Variants in CACNA1G observed in about 807,000 individuals in gnomAD.
CACNA1G encodes voltage-dependent T-type calcium channel subunit alpha-1G.
Under a neutral mutation model 219.4 loss-of-function variants are expected in CACNA1G, and 67 were observed. The observed-to-expected ratio is 0.31, with a 90% CI of 0.25 to 0.37. CACNA1G has a LOEUF of 0.37. Among genes scored for constraint, CACNA1G ranks in the 10% least tolerant of loss-of-function variants. The pLI, the probability that CACNA1G is intolerant of heterozygous loss-of-function variation, is 1.00. For synonymous variants in CACNA1G, 1,296 were observed against 1,345.3 expected, an observed-to-expected ratio of 0.96 and a Z score of 0.80; for missense variants, 2,380 against 3,231.4, an observed-to-expected ratio of 0.74 and a Z score of 6.39.
rs553870728 is a variant in CACNA1G at position 50,615,707 on chromosome 17, T to A, written c.4911+195T>A. On this transcript the variant is annotated intron_variant, in intron 27 of 37. Coordinates refer to ENST00000359106, the MANE Select transcript of CACNA1G (RefSeq NM_018896.5). ...TGAGGACACTGAGGCTCAGAGATGT[T>A]AGTTGATGTGGCCAAGGTCACACAG... Among the ~76,000 whole-genome samples the A allele has an allele frequency of 2.2e-4, 34 of 152,344 alleles. No individual in the cohort carries two copies. In the East Asian group the frequency reaches 3.1e-3, roughly 14 times the overall value.
chr17:50,578,059 C>T lies in CACNA1G; in HGVS notation c.1925-129C>T, dbSNP rs1217329300. On this transcript the variant is annotated intron_variant, in intron 8 of 37. Transcript: ENST00000359106. This position sits in a 1 kb window ranked among gnomAD's most constrained non-coding sequence, Gnocchi z 4.5. Reference sequence around the variant, plus strand: ...TGCCTGACATTCAGCACCCCTGGCCCACTAAGTGCCTAGCACCCCATCACT... The same window carrying T: ...TGCCTGACATTCAGCACCCCTGGCCTACTAAGTGCCTAGCACCCCATCACT... 1 of 1,107,228 alleles carries T rather than the reference C, an allele frequency of 9.0e-7. No homozygotes were observed. The highest frequency in any genetic ancestry group is 1.6e-5 in the African/African-American group (1 of 63,634). 68.6% of individuals were successfully genotyped at this position (1,107,228 alleles called of 1,614,324 possible).
intron 26 of CACNA1G, among the ~76,000 whole-genome samples, chr17:50,610,525 C>T (rs1184958711): frequency 6.6e-6 from 1 of 152,162 alleles, no homozygotes; most frequent in African/African-American, 2.4e-5. Flanking sequence ...TTTCAAGAGC[C>T]ATGTCTCTGG....
Position 50,617,145 on chromosome 17 carries a change from A to G in CACNA1G, c.5022-293A>G, listed in dbSNP as rs534595779. The stretch of plus-strand genomic sequence containing the variant: ...ACTGCAGGTGTGAGTTCCTATTTGT[A>G]AAGCTCTTAAAAGTGCCTGGTGCAT... On this transcript the variant is annotated intron_variant, in intron 28 of 37. Coordinates refer to ENST00000359106, the MANE Select transcript of CACNA1G (RefSeq NM_018896.5). The surrounding 1 kb of genome is among the most constrained non-coding windows in gnomAD (Gnocchi z 5.8). Among the ~76,000 whole-genome samples the G allele has an allele frequency of 9.2e-5, 14 of 152,354 alleles. No homozygotes were observed. Among genetic ancestry groups the G allele is most frequent in the African/African-American group, 3.4e-4 (14 of 41,586 alleles).
In CACNA1G at chr17:50,617,357, C is replaced by T. The variant is rs2050809489; in HGVS notation, c.5022-81C>T. 6.8e-7 allele frequency: 1 copy of T among 1,476,214 alleles called. No individual in the cohort carries two copies. The highest frequency in any genetic ancestry group is 1.3e-5 in the South Asian group (1 of 75,286). The allele number at this position is 1,476,214 out of a possible 1,614,324, so 91.4% of individuals were successfully genotyped here. ...GCTGATGTCTGCCCTCCTTTCAAGC[C>T]CTGTCTTTCTGTGCCACGACTGCCC... On this transcript the variant is annotated intron_variant, in intron 28 of 37. Coordinates refer to ENST00000359106, the MANE Select transcript of CACNA1G (RefSeq NM_018896.5). This position sits in a 1 kb window ranked among gnomAD's most constrained non-coding sequence, Gnocchi z 5.8.
Position 50,590,608 on chromosome 17 carries a change from C to T in CACNA1G, c.2439C>T (p.Val813=), listed in dbSNP as rs1366522151. The change falls in exon 10 of 38, where the codon GTC becomes GTT. Residue 813 remains valine (V), a synonymous_variant. Transcript: ENST00000359106. ...IKNPYNIFDG[V]IVVISVWEIV... ...ATCCCTACAACATCTTCGATGGTGT[C>T]ATTGTGGTCATCAGGTATGACTACC... The T allele has an allele frequency of 6.2e-7, 1 of 1,613,630 alleles. No individual in the cohort carries two copies. Among genetic ancestry groups the T allele is most frequent in the Non-Finnish European group, 8.5e-7 (1 of 1,179,724 alleles).
At chr17:50,625,890 G>A in intron 37 of CACNA1G, 127 bp from the exon 38 acceptor site, 2 of 1,021,814 alleles carry the variant, frequency 2.0e-6, no homozygotes, top group Non-Finnish European at 2.9e-6. Context: ...CGGCTACCAG[G>A]ACCTCTGCTT....
At chr17:50,568,769 C>T (rs1265960290) in intron 1 of CACNA1G, 101 bp from the exon 2 acceptor site, 8 of 880,376 alleles carry the variant, frequency 9.1e-6, no homozygotes, top group Non-Finnish European at 1.5e-5. Context: ...TGCTTAGCCT[C>T]AGATGGAGCC....
chr17:50,561,250 G>A lies in CACNA1G; in HGVS notation c.-210G>A, dbSNP rs1363779029. ...AGGGGAAGCGGGACTCGCGCCGGGC[G>A]GGGTTTCCCTGCGCCCCGGCGCCCC... On this transcript the variant is annotated 5_prime_UTR_variant, in exon 1 of 38. Transcript: ENST00000359106. The A allele has an allele frequency of 8.9e-6, 5 of 558,688 alleles. No homozygotes were observed. The highest frequency in any genetic ancestry group is 9.3e-6 in the Non-Finnish European group (3 of 322,678). The allele number at this position is 558,688 out of a possible 1,614,324, so 34.6% of individuals were successfully genotyped here. A position where few individuals can be genotyped will look rare whatever the true frequency, so the allele number is the denominator to read the frequency against.
chr17:50,596,884 G>A lies in CACNA1G; in HGVS notation c.3219G>A (p.Gly1073=). 6.3e-7 allele frequency: 1 copy of A among 1,586,564 alleles called. No individual in the cohort carries two copies. Among genetic ancestry groups the A allele is most frequent in the Admixed American group, 1.8e-5 (1 of 56,990 alleles). The change falls in exon 16 of 38, where the codon GGG becomes GGA. Residue 1073 remains glycine, a synonymous_variant. Transcript: ENST00000359106. The surrounding 1 kb of genome is among the most constrained non-coding windows in gnomAD (Gnocchi z 4.8). ...CGTCGCGCCGCACCAGCAGCAGCGGGTCGGCAGAGCCTGGGGCGGCCCACG... is the reference window on the plus strand; with the variant it reads ...CGTCGCGCCGCACCAGCAGCAGCGGATCGGCAGAGCCTGGGGCGGCCCACG... ...GPASRRTSSS[G]SAEPGAAHEM...
chr17:50,623,091 C>CT (rs35688516), intron 35 of CACNA1G, among the ~76,000 whole-genome samples: 1,587 of 79,394 alleles, frequency 0.02, 111 homozygotes, highest in African/African-American at 0.071. Context: ...CTGCTGTTGG[C>CT]TTTTTTTTTT....
chr17:50,626,829 C>A lies in CACNA1G; in HGVS notation c.*78C>A, dbSNP rs772815658. 5 of 1,587,020 alleles carry A rather than the reference C, an allele frequency of 3.2e-6. No homozygotes were observed. Among genetic ancestry groups the A allele is most frequent in the South Asian group, 1.1e-5 (1 of 90,384 alleles). ...TCCTCCTCCTGGGCTATATTCCTGA[C>A]AAAAGTTCCATATAGACACCAAGGA... is the stretch of plus-strand genomic sequence containing the variant. On this transcript the variant is annotated 3_prime_UTR_variant, in exon 38 of 38. Coordinates refer to ENST00000359106, the MANE Select transcript of CACNA1G (RefSeq NM_018896.5). The surrounding 1 kb of genome is among the most constrained non-coding windows in gnomAD (Gnocchi z 4.3).
rs2050976583 is a variant in CACNA1G, at chr17:50,618,176, G to T, written c.5306-46G>T. The T allele has an allele frequency of 1.2e-6, 2 of 1,612,668 alleles. No individual in the cohort carries two copies. The highest frequency in any genetic ancestry group is 1.7e-6 in the Non-Finnish European group (2 of 1,178,952). On this transcript the variant is annotated intron_variant, in intron 31 of 37. Transcript: ENST00000359106. The surrounding 1 kb of genome is among the most constrained non-coding windows in gnomAD (Gnocchi z 5.3). ...AGGAGCCAGGGCTGGAGACCAGGGG[G>T]CTCCTGGACTAACATGGGCCTCTCC...
At position 50,567,890 on chromosome 17, in the gene CACNA1G, C is replaced by A. The variant is rs554716099; in HGVS notation, c.243-980C>A. Among the ~76,000 whole-genome samples, 9 of 152,236 alleles carry A rather than the reference C, an allele frequency of 5.9e-5. No individual in the cohort carries two copies. The South Asian group carries it at 1.9e-3, about 32-fold the overall frequency. ...GACCCAGGGTTTAGAAAGAACCCCT[C>A]TCTCCTGCTTGCTGTTTTGGCTGGT... On this transcript the variant is annotated intron_variant, in intron 1 of 37. Coordinates refer to ENST00000359106, the MANE Select transcript of CACNA1G (RefSeq NM_018896.5).
intron 26 of CACNA1G, 88 bp from the exon 27 acceptor site, chr17:50,615,273 G>C (rs894660253): frequency 1.6e-5 from 21 of 1,287,856 alleles, no homozygotes; most frequent in Non-Finnish European, 2.1e-5. Context: ...TCTGGCGTTA[G>C]AGGCTGGTGG....
chr17:50,594,957 C>A lies in CACNA1G; in HGVS notation c.2911-36C>A, dbSNP rs192403224. The stretch of plus-strand genomic sequence containing the variant: ...ATCTGAAGGCCCCGAGCGCCTGTGA[C>A]CAGCAGCCCTCCCCTGCCTCCCCCT... On this transcript the variant is annotated intron_variant, in intron 13 of 37. Transcript: ENST00000359106. 4,435 of 1,531,714 alleles carry A rather than the reference C, an allele frequency of 2.9e-3. 9 individuals carry two copies. Among genetic ancestry groups the A allele is most frequent in the Non-Finnish European group, 3.7e-3 (4,160 of 1,130,470 alleles). 94.9% of individuals were successfully genotyped at this position (1,531,714 alleles called of 1,614,324 possible).
chr17:50,617,041 G>T lies in CACNA1G; in HGVS notation c.5022-397G>T, dbSNP rs929178150. ...TATTTTTATTTTTAGTAGATACAGGGTCTCACTATGTTGCCCAGGCTGTTC... is the reference window on the plus strand; with the variant it reads ...TATTTTTATTTTTAGTAGATACAGGTTCTCACTATGTTGCCCAGGCTGTTC... On this transcript the variant is annotated intron_variant, in intron 28 of 37. Coordinates refer to ENST00000359106, the MANE Select transcript of CACNA1G (RefSeq NM_018896.5). This position sits in a 1 kb window ranked among gnomAD's most constrained non-coding sequence, Gnocchi z 5.8. Among the ~76,000 whole-genome samples, 6 of 151,866 alleles carry T rather than the reference G, an allele frequency of 4.0e-5. No homozygotes were observed. The highest frequency in any genetic ancestry group is 8.8e-5 in the Non-Finnish European group (6 of 67,998).
chr17:50,624,341 C>CCCA lies in CACNA1G; in HGVS notation c.6230-19_6230-18insCCA. ...CCATTCTCTCCCCCCACCCCTCCCC[C>CCCA]GCTTCCCTCCCTCCACAGGCTCCGT... On this transcript the variant is annotated intron_variant, in intron 36 of 37. Coordinates refer to ENST00000359106, the MANE Select transcript of CACNA1G (RefSeq NM_018896.5). The CCCA allele has an allele frequency of 6.8e-7, 1 of 1,471,212 alleles. No homozygotes were observed. The highest frequency in any genetic ancestry group is 9.3e-7 in the Non-Finnish European group (1 of 1,076,536). The allele number at this position is 1,471,212 out of a possible 1,614,324, so 91.1% of individuals were successfully genotyped here.
Position 50,619,772 on chromosome 17 carries a change from G to C in CACNA1G, c.5871G>C (p.Gly1957=), listed in dbSNP as rs2051346545. 1.2e-6 allele frequency: 2 copies of C among 1,607,836 alleles called. No individual in the cohort carries two copies. Among genetic ancestry groups the C allele is most frequent in the South Asian group, 2.2e-5 (2 of 90,178 alleles). ...TGATGGACGAGCTGGCAGGCCCAGG[G>C]GGCCAGCCCTCTGCCTTCCCTTCTG... ...LKLMDELAGP[G]GQPSAFPSAP... Residue 1957 remains glycine, a synonymous_variant, in exon 34 of 38, where the codon GGG becomes GGC. Coordinates refer to ENST00000359106, the MANE Select transcript of CACNA1G (RefSeq NM_018896.5).
rs1288757738 is a variant in CACNA1G, at chr17:50,617,977, A to C, written c.5226+48A>C. ...CTGGGGAGGGGGAGGTGCTTTCCAG[A>C]GGGAAGGGGCTCAGAGAAGCTGACT... On this transcript the variant is annotated intron_variant, in intron 30 of 37. Transcript: ENST00000359106. This position sits in a 1 kb window ranked among gnomAD's most constrained non-coding sequence, Gnocchi z 5.8. The C allele has an allele frequency of 5.6e-6, 9 of 1,612,664 alleles. No individual in the cohort carries two copies. The highest frequency in any genetic ancestry group is 3.3e-5 in the Admixed American group (2 of 60,004).
Sources: gnomAD v4.1 joint callset for allele counts (sites outside exome capture counted in the v4.1 genomes callset) on GRCh38, gnomAD v4.1.1 for gene constraint, Gnocchi (gnomAD v3.1) non-coding constraint, MANE v1.5 for transcripts, NCBI Gene and HGNC (gene_info 2026-07-23, HGNC 2026-07-21) for gene names.